CWC27: variants seen among roughly 807,000 people sequenced by gnomAD.
The protein encoded by CWC27 is CWC27 spliceosome associated cyclophilin.
In CWC27, 47 loss-of-function variants were observed where a neutral mutation model predicts 63.6. That is an observed-to-expected ratio of 0.74 (90% CI 0.58 to 0.94). CWC27 has a LOEUF of 0.94. CWC27 is among the 40% of genes least tolerant of loss of function. The pLI is 0.00. For missense variants in CWC27, 495 were observed against 554.3 expected (o/e 0.89, Z 1.07); for synonymous variants, 175 against 179.8 (o/e 0.97, Z 0.22).
chr5:64,969,685 G>C (rs891380428), intron 11 of CWC27, among the ~76,000 whole-genome samples: 1 of 151,448 alleles, frequency 6.6e-6, no homozygotes, highest in African/African-American at 2.4e-5. Context: ...GGACAAATAT[G>C]ATTTGTCCTC....
chr5:64,880,131 A>G (rs1746901787), intron 10 of CWC27, among the ~76,000 whole-genome samples: 1 of 152,002 alleles, frequency 6.6e-6, no homozygotes, highest in Non-Finnish European at 1.5e-5. Flanking sequence ...TTTGTCCTGC[A>G]GTACTCTTTT....
chr5:64,855,304 A>G lies in CWC27; in HGVS notation c.939-30139A>G, dbSNP rs543252282. 1.2e-4 allele frequency among the ~76,000 whole-genome samples: 19 copies of G among 152,276 alleles called. No homozygotes were observed. The South Asian group carries it at 3.9e-3, about 32-fold the overall frequency. On this transcript the variant is annotated intron_variant, in intron 10 of 13. Transcript: ENST00000381070. ...AGTAGTATTTTATTTGCAGTGAGTG[A>G]AATCAGCATTCTCAGAGACTAGTGT... is the stretch of plus-strand genomic sequence containing the variant.
Position 64,885,455 on chromosome 5 carries a change from A to G in CWC27, c.951A>G (p.Arg317=). The change falls in exon 11 of 14, where the codon AGA becomes AGG. Residue 317 remains arginine, a synonymous_variant. Coordinates refer to ENST00000381070, the MANE Select transcript of CWC27 (RefSeq NM_005869.4). ...TTTTGCTTTATAGTGAAGAGCTCAGAAAAGAAGCAAGACAATTAAAACGGG... is the reference window on the plus strand; with the variant it reads ...TTTTGCTTTATAGTGAAGAGCTCAGGAAAGAAGCAAGACAATTAAAACGGG... ...KKSVSRSEEL[R]KEARQLKREL... The G allele has an allele frequency of 6.2e-7, 1 of 1,607,152 alleles. No individual in the cohort carries two copies. The highest frequency in any genetic ancestry group is 8.5e-7 in the Non-Finnish European group (1 of 1,176,664).
At chr5:64,810,710 G>A (rs547652768) in intron 10 of CWC27, among the ~76,000 whole-genome samples, 1 of 151,968 alleles carries the variant, frequency 6.6e-6, no homozygotes, top group Middle Eastern at 3.4e-3. Context: ...CTTTATCAAA[G>A]CTCTGTAGAT....
chr5:64,811,700 G>A (rs1214253171), intron 10 of CWC27, among the ~76,000 whole-genome samples: 1 of 152,010 alleles, frequency 6.6e-6, no homozygotes, highest in Non-Finnish European at 1.5e-5. Flanking sequence ...ATTTGATAAA[G>A]TTAACTGGAA....
rs547823170 is a variant in CWC27, at chr5:64,897,502, G to A, written c.1042+11956G>A. On this transcript the variant is annotated intron_variant, in intron 11 of 13. Transcript: ENST00000381070. ...TCACAAGGACAGAAAACCAAACACC[G>A]CATGTTCTCACTCATAGGTGGGAGT... Among the ~76,000 whole-genome samples, 34 of 152,210 alleles carry A rather than the reference G, an allele frequency of 2.2e-4. No individual in the cohort carries two copies. The South Asian group carries it at 5.0e-3, about 22-fold the overall frequency.
At chr5:64,930,747 A>G (rs1320008552) in intron 11 of CWC27, among the ~76,000 whole-genome samples, 1 of 152,120 alleles carries the variant, frequency 6.6e-6, no homozygotes, top group Non-Finnish European at 1.5e-5. Flanking sequence ...ACCGTAAAAC[A>G]CCTTGACTGA....
chr5:64,987,726 A>C (rs935406667), intron 13 of CWC27, among the ~76,000 whole-genome samples: 2 of 152,228 alleles, frequency 1.3e-5, no homozygotes, highest in African/African-American at 4.8e-5. Context: ...ATGGGTCAAC[A>C]GTTCATTTCT....
At chr5:65,009,228 TAG>T (rs1253911833) in intron 13 of CWC27, among the ~76,000 whole-genome samples, 1 of 152,062 alleles carries the variant, frequency 6.6e-6, no homozygotes, top group South Asian at 2.1e-4. Flanking sequence ...TAGCAACTAA[TAG>T]AGTGAGAGCT....
intron 10 of CWC27, among the ~76,000 whole-genome samples, chr5:64,866,904 A>G (rs923792830): frequency 6.6e-6 from 1 of 152,076 alleles, no homozygotes; most frequent in African/African-American, 2.4e-5. Context: ...ATTAGAGCCC[A>G]CACCTTTGAT....
intron 11 of CWC27, among the ~76,000 whole-genome samples, chr5:64,939,559 G>T (rs1748427594): frequency 6.6e-6 from 1 of 152,202 alleles, no homozygotes; most frequent in South Asian, 2.1e-4. Flanking sequence ...GATGACCCCT[G>T]CTGGGAGGTG....
At chr5:64,784,098 G>A in intron 4 of CWC27, 119 bp downstream of exon 4, 1 of 865,096 alleles carries the variant, frequency 1.2e-6, no homozygotes. Context: ...ACATTCCATA[G>A]GATATGTTTA....
chr5:65,012,314 G>A (rs2112475004), intron 13 of CWC27, among the ~76,000 whole-genome samples: 1 of 152,318 alleles, frequency 6.6e-6, no homozygotes, highest in African/African-American at 2.4e-5. Context: ...CAGTCTCAGA[G>A]ACTGCCTATG....
chr5:64,907,596 A>T (rs1037597976), intron 11 of CWC27, among the ~76,000 whole-genome samples: 11 of 152,222 alleles, frequency 7.2e-5, no homozygotes, highest in East Asian at 1.9e-4. Flanking sequence ...ATACACAATC[A>T]TGTCATCTGC....
At chr5:64,893,698 A>C (rs1192881617) in intron 11 of CWC27, among the ~76,000 whole-genome samples, 2 of 152,222 alleles carry the variant, frequency 1.3e-5, no homozygotes, top group Non-Finnish European at 2.9e-5. Flanking sequence ...AATCATTGAG[A>C]ACCTATTTTG....
chr5:64,934,248 C>T (rs986884190), intron 11 of CWC27, among the ~76,000 whole-genome samples: 1 of 152,136 alleles, frequency 6.6e-6, no homozygotes, highest in Non-Finnish European at 1.5e-5. Flanking sequence ...GCTATTTCTC[C>T]CCTAGAACCC....
intron 11 of CWC27, among the ~76,000 whole-genome samples, chr5:64,923,493 G>C (rs1404104362): frequency 6.7e-6 from 1 of 149,882 alleles, no homozygotes; most frequent in Non-Finnish European, 1.5e-5. Flanking sequence ...CTTCAGTCCT[G>C]GTGTCTGAGT....
chr5:64,772,637 A>G (rs1276178830), intron 1 of CWC27, among the ~76,000 whole-genome samples: 1 of 141,982 alleles, frequency 7.0e-6, no homozygotes, highest in African/African-American at 2.6e-5. Context: ...AAAAAAAAAA[A>G]AAAAAAAAAA....
At chr5:64,773,660 G>T (rs1580574773) in intron 1 of CWC27, among the ~76,000 whole-genome samples, 1 of 152,172 alleles carries the variant, frequency 6.6e-6, no homozygotes, top group East Asian at 1.9e-4. Flanking sequence ...TATACTAGGG[G>T]AGAAAAAAGA....
Sources: gnomAD v4.1 joint callset for allele counts (sites outside exome capture counted in the v4.1 genomes callset) on GRCh38, gnomAD v4.1.1 for gene constraint, MANE v1.5 for transcripts, NCBI Gene and HGNC (gene_info 2026-07-23, HGNC 2026-07-21) for gene names.